The following IGF1R variants were observed in gnomAD, a reference collection of about 807,000 sequenced individuals.
The protein encoded by IGF1R is insulin-like growth factor 1 receptor.
A neutral mutation model predicts 144.6 loss-of-function variants in IGF1R; 44 were observed. The observed-to-expected ratio is 0.30, with a 90% CI of 0.24 to 0.39. The LOEUF (loss-of-function observed/expected upper bound fraction) is 0.39. IGF1R is among the 10% of genes least tolerant of loss of function. The pLI, the probability that IGF1R is intolerant of heterozygous loss-of-function variation, is 1.00. For missense variants in IGF1R, 1,355 were observed against 1,833.7 expected (o/e 0.74, Z 4.77); for synonymous variants, 795 against 722.8 (o/e 1.10, Z -1.60).
At chr15:98,865,945 T>TCTTGCCTCGCCACTTGCCTCGCA (rs2012417611) in intron 2 of IGF1R, among the ~76,000 whole-genome samples, 1 of 152,152 alleles carries the variant, frequency 6.6e-6, no homozygotes, top group Non-Finnish European at 1.5e-5. Flanking sequence ...CACCTCCCGC[T>TCTTGCCTCGCCACTTGCCTCGCA]CTGGGGTCGC....
rs1297924119 is a variant in IGF1R, at chr15:98,924,542, G to T, written c.2640G>T (p.Val880=). 1 of 1,614,004 alleles carries T rather than the reference G, an allele frequency of 6.2e-7. No homozygotes were observed. Among genetic ancestry groups the T allele is most frequent in the Non-Finnish European group, 8.5e-7 (1 of 1,179,990 alleles). The change falls in exon 13 of 21, where the codon GTG becomes GTT. Residue 880 remains valine (V), a synonymous_variant. Transcript: ENST00000650285. ...GSQVEDQREC[V]SRQEYRKYGG... ...TTCCCCAGGATCAGCGAGAATGTGT[G>T]TCCAGACAGGAATACAGGAAGTATG...
chr15:98,884,553 G>T (rs534174609), intron 2 of IGF1R, among the ~76,000 whole-genome samples: 1 of 152,058 alleles, frequency 6.6e-6, no homozygotes, highest in African/African-American at 2.4e-5. Context: ...AATTAGCTGG[G>T]CATGGTGGCG....
At chr15:98,821,701 C>T (rs2684762) in intron 2 of IGF1R, among the ~76,000 whole-genome samples, 4,786 of 152,286 alleles carry the variant, frequency 0.031, 123 homozygotes, top group East Asian at 0.14. Flanking sequence ...CAGCTTTATT[C>T]ATGAAACCCG....
chr15:98,871,933 C>G (rs2141607851), intron 2 of IGF1R, among the ~76,000 whole-genome samples: 1 of 152,264 alleles, frequency 6.6e-6, no homozygotes, highest in African/African-American at 2.4e-5. Flanking sequence ...GTTGAAGAGC[C>G]AAGTAAAGTC....
intron 1 of IGF1R, chr15:98,651,173 A>C (rs1410249155): frequency 7.2e-6 from 4 of 558,550 alleles, no homozygotes; most frequent in South Asian, 7.8e-5. Flanking sequence ...GGGAAGGAGG[A>C]GGCAGCGGAG....
rs202060277 is a variant in IGF1R, at chr15:98,908,838, G to C, written c.1401G>C (p.Gly467=). The C allele has an allele frequency of 6.2e-7, 1 of 1,614,172 alleles. No homozygotes were observed. The highest frequency in any genetic ancestry group is 2.2e-5 in the East Asian group (1 of 44,892). ...SEIYRMEEVT[G]TKGRQSKGDI... is the part of the protein sequence containing the mutation. ...TTTACCGCATGGAGGAAGTGACGGG[G>C]ACTAAAGGGCGCCAAAGCAAAGGGG... The change falls in exon 6 of 21, where the codon GGG becomes GGC. Residue 467 remains glycine (G), a synonymous_variant. Coordinates refer to ENST00000650285, the MANE Select transcript of IGF1R (RefSeq NM_000875.5).
chr15:98,850,535 C>T (rs561588822), intron 2 of IGF1R, among the ~76,000 whole-genome samples: 5 of 152,310 alleles, frequency 3.3e-5, no homozygotes, highest in African/African-American at 4.8e-5. Context: ...GAGGTTGCAA[C>T]GAGGCCTCTC....
At chr15:98,909,041 GCTC>G (rs1228731646) in intron 6 of IGF1R, 142 bp downstream of exon 6, 1 of 742,326 alleles carries the variant, frequency 1.3e-6, no homozygotes, top group Non-Finnish European at 2.4e-6. Context: ...CTAGCACTTT[GCTC>G]CTACTTATAT....
At chr15:98,795,018 C>T (rs2056206146) in intron 2 of IGF1R, among the ~76,000 whole-genome samples, 1 of 152,222 alleles carries the variant, frequency 6.6e-6, no homozygotes, top group Non-Finnish European at 1.5e-5. Context: ...CGGATGTTTC[C>T]CTGACCTTAA....
intron 2 of IGF1R, among the ~76,000 whole-genome samples, chr15:98,773,465 T>G (rs1235372911): frequency 6.6e-6 from 1 of 152,172 alleles, no homozygotes; most frequent in South Asian, 2.1e-4. Flanking sequence ...AAGAAGTATG[T>G]GCAGTTTCAG....
intron 2 of IGF1R, among the ~76,000 whole-genome samples, chr15:98,818,367 G>A (rs1390433885): frequency 1.3e-5 from 2 of 152,144 alleles, no homozygotes; most frequent in Admixed American, 6.5e-5. Context: ...GGATGAGTGA[G>A]AAGCACAAGA....
At chr15:98,954,669 G>A (rs1332094091) in intron 20 of IGF1R, among the ~76,000 whole-genome samples, 1 of 152,184 alleles carries the variant, frequency 6.6e-6, no homozygotes. Flanking sequence ...AGGGCACAGA[G>A]CCAAGCACAT....
intron 2 of IGF1R, among the ~76,000 whole-genome samples, chr15:98,862,837 A>T (rs1309206635): frequency 6.6e-6 from 1 of 152,254 alleles, no homozygotes; most frequent in Non-Finnish European, 1.5e-5. Context: ...TCAGACTTGC[A>T]TAAAGGTTAC....
chr15:98,739,277 G>T (rs1231476693), intron 2 of IGF1R, among the ~76,000 whole-genome samples: 1 of 152,156 alleles, frequency 6.6e-6, no homozygotes, highest in Non-Finnish European at 1.5e-5. Flanking sequence ...TTCTCTGCAT[G>T]CTCTGTTGAC....
At chr15:98,650,533 T>C (rs1464136290) in intron 1 of IGF1R, among the ~76,000 whole-genome samples, 3 of 152,194 alleles carry the variant, frequency 2.0e-5, no homozygotes, top group Admixed American at 1.3e-4. Flanking sequence ...GGAGGGGTAC[T>C]AGGGCCGCAT....
intron 5 of IGF1R, among the ~76,000 whole-genome samples, chr15:98,908,231 C>T (rs755059310): frequency 6.6e-6 from 1 of 152,232 alleles, no homozygotes; most frequent in African/African-American, 2.4e-5. Context: ...CCTATCCCAT[C>T]ATGCTGCTGA....
intron 2 of IGF1R, among the ~76,000 whole-genome samples, chr15:98,815,974 C>T (rs1156558046): frequency 6.6e-6 from 1 of 152,188 alleles, no homozygotes; most frequent in Non-Finnish European, 1.5e-5. Context: ...CCTTCTCCTT[C>T]CCTGTGTTCA....
intron 2 of IGF1R, among the ~76,000 whole-genome samples, chr15:98,854,236 G>GGCAGAAAGACACT (rs1304748179): frequency 6.6e-6 from 1 of 152,172 alleles, no homozygotes; most frequent in East Asian, 1.9e-4. Context: ...AGTGATTGAA[G>GGCAGAAAGACACT]GCAGAAAGAC....
chr15:98,823,166 A>G (rs528711093), intron 2 of IGF1R, among the ~76,000 whole-genome samples: 1 of 152,362 alleles, frequency 6.6e-6, no homozygotes, highest in Non-Finnish European at 1.5e-5. Flanking sequence ...AACACAAAGG[A>G]CATTTGACAC....
Sources: allele counts gnomAD v4.1 joint callset (sites outside exome capture counted in the v4.1 genomes callset), GRCh38; gene constraint gnomAD v4.1.1; transcripts MANE v1.5; gene names NCBI Gene and HGNC (gene_info 2026-07-23, HGNC 2026-07-21).